EPHA7: variants seen among roughly 807,000 people sequenced by gnomAD.
EPHA7 encodes ephrin type-A receptor 7.
EPHA7 carries 25 observed loss-of-function variants against 112.6 expected under a neutral mutation model. The observed-to-expected ratio is 0.22, with a 90% CI of 0.16 to 0.31. The LOEUF (loss-of-function observed/expected upper bound fraction) is 0.31. EPHA7 is among the 10% of genes least tolerant of loss of function. EPHA7 has a pLI of 1.00. For synonymous variants in EPHA7, 437 were observed against 406.5 expected (o/e 1.07, Z -0.90); for missense variants, 962 against 1,212.6 (o/e 0.79, Z 3.07).
chr6:93,416,856 G>A (rs1160794446), intron 1 of EPHA7, among the ~76,000 whole-genome samples: 1 of 152,040 alleles, frequency 6.6e-6, no homozygotes, highest in Non-Finnish European at 1.5e-5. Flanking sequence ...GGCAAAGGCT[G>A]GCGTCCCGGG....
At chr6:93,262,582 C>T (rs1460532588) in intron 9 of EPHA7, among the ~76,000 whole-genome samples, 1 of 151,390 alleles carries the variant, frequency 6.6e-6, no homozygotes, top group African/African-American at 2.4e-5. Context: ...AATAAAGCCA[C>T]TTCCGGGCAT....
intron 16 of EPHA7, among the ~76,000 whole-genome samples, chr6:93,244,312 G>A (rs1411328070): frequency 1.3e-5 from 2 of 152,062 alleles, no homozygotes; most frequent in East Asian, 3.9e-4. Flanking sequence ...TGCCCACATA[G>A]TGACTGGAAG....
Position 93,272,290 on chromosome 6 carries a change from G to T in EPHA7, c.1449+8C>A, listed in dbSNP as rs376251364. On this transcript the variant is annotated splice_region_variant and intron_variant, in intron 6 of 16. Coordinates refer to ENST00000369303, the MANE Select transcript of EPHA7 (RefSeq NM_004440.4). ...ACATTGTACATTTCAGTTGCTCTTA[G>T]CACTTACTTTCTCGTAATACTTGAT... The T allele has an allele frequency of 1.7e-5, 27 of 1,611,092 alleles. No homozygotes were observed. Among genetic ancestry groups the T allele is most frequent in the Non-Finnish European group, 2.3e-5 (27 of 1,178,048 alleles).
In EPHA7 at chr6:93,410,863, T is replaced by C; in HGVS notation, c.470A>G (p.Gln157Arg). ...CATCTTTCTTTCACCAAGGTCACCT[T>C]GGGTAAAACTTTCATCTGCAGCAAT... is the stretch of plus-strand genomic sequence containing the variant. The part of the protein sequence containing the change: ...DTIAADESFT[Q>R]GDLGERKMKL... The change falls in exon 3 of 17, where the codon CAA (glutamine) becomes CGA (arginine). Residue 157 changes from glutamine (Q) to arginine (R), a missense_variant. Around this residue, in one of 3 missense-constraint regions of EPHA7, gnomAD observed 160 missense variants for 263.6 expected, o/e 0.61. Transcript: ENST00000369303. This position sits in a 1 kb window ranked among gnomAD's most constrained non-coding sequence, Gnocchi z 4.0. 1 of 1,614,032 alleles carries C rather than the reference T, an allele frequency of 6.2e-7. No homozygotes were observed. The highest frequency in any genetic ancestry group is 8.5e-7 in the Non-Finnish European group (1 of 1,179,948).
At chr6:93,349,878 A>G (rs982491065) in intron 5 of EPHA7, among the ~76,000 whole-genome samples, 2 of 151,902 alleles carry the variant, frequency 1.3e-5, no homozygotes, top group Non-Finnish European at 2.9e-5. Context: ...GAGTCACATT[A>G]ATTCATGTGA....
chr6:93,376,391 T>C (rs1262448760), intron 3 of EPHA7, among the ~76,000 whole-genome samples: 1 of 152,104 alleles, frequency 6.6e-6, no homozygotes, highest in Non-Finnish European at 1.5e-5. Flanking sequence ...CCCACCTGTC[T>C]TGGCCTCTCA....
intron 3 of EPHA7, among the ~76,000 whole-genome samples, chr6:93,400,572 C>T (rs1778391557): frequency 6.6e-6 from 1 of 151,994 alleles, no homozygotes; most frequent in Admixed American, 6.6e-5. Flanking sequence ...TAACTGTCAC[C>T]CTGGCTGGGG....
chr6:93,242,647 G>A lies in EPHA7; in HGVS notation c.*779C>T, dbSNP rs1582375738. Reference sequence around the variant, plus strand: ...TCACTCTATAAACAATCTGTTAAAAGTGCCTTATAGTATGTATGGATCATT... The same window carrying A: ...TCACTCTATAAACAATCTGTTAAAAATGCCTTATAGTATGTATGGATCATT... On this transcript the variant is annotated 3_prime_UTR_variant, in exon 17 of 17. Transcript: ENST00000369303. 2 of 219,906 alleles carry A rather than the reference G, an allele frequency of 9.1e-6. No individual in the cohort carries two copies. Among genetic ancestry groups the A allele is most frequent in the East Asian group, 1.3e-4 (2 of 14,816 alleles). The allele number at this position is 219,906 out of a possible 1,614,324, so 13.6% of individuals were successfully genotyped here. A position where few individuals can be genotyped will look rare whatever the true frequency, so the allele number is the denominator to read the frequency against.
At chr6:93,263,999 C>T in intron 8 of EPHA7, 84 bp from the exon 9 acceptor site, 1 of 957,286 alleles carries the variant, frequency 1.0e-6, no homozygotes, top group Non-Finnish European at 1.6e-6. Context: ...AGTTACTCAA[C>T]AACTTACTAG....
At chr6:93,359,805 T>C (rs1168338964) in intron 3 of EPHA7, among the ~76,000 whole-genome samples, 2 of 151,764 alleles carry the variant, frequency 1.3e-5, no homozygotes, top group African/African-American at 4.8e-5. Flanking sequence ...AAAGACTCAA[T>C]TTAAAGGTAT....
intron 3 of EPHA7, among the ~76,000 whole-genome samples, chr6:93,364,607 G>GA (rs907160538): frequency 5.4e-5 from 8 of 148,952 alleles, no homozygotes; most frequent in East Asian, 2.0e-4. Context: ...CAAACATTAA[G>GA]AAAAAATAGT....
At chr6:93,247,010 A>G in intron 14 of EPHA7, 25 bp from the exon 15 acceptor site, 1 of 1,527,818 alleles carries the variant, frequency 6.5e-7, no homozygotes, top group South Asian at 1.2e-5. Flanking sequence ...GACATTACAA[A>G]TATTACTGAT....
chr6:93,253,009 A>T (rs1295365897), intron 14 of EPHA7, among the ~76,000 whole-genome samples: 2 of 152,004 alleles, frequency 1.3e-5, no homozygotes, highest in Non-Finnish European at 2.9e-5. Context: ...CTTCTTAACC[A>T]TTTCCATTAT....
At chr6:93,316,372 A>C (rs913402446) in intron 5 of EPHA7, among the ~76,000 whole-genome samples, 1 of 152,178 alleles carries the variant, frequency 6.6e-6, no homozygotes, top group African/African-American at 2.4e-5. Context: ...ATTAGCTTAT[A>C]ACATCAGAAT....
At chr6:93,350,636 A>C (rs915615924) in intron 5 of EPHA7, among the ~76,000 whole-genome samples, 2 of 152,026 alleles carry the variant, frequency 1.3e-5, no homozygotes, top group African/African-American at 4.8e-5. Context: ...GAGACCTTTG[A>C]AGATAGTTGA....
At chr6:93,362,913 C>T (rs898948266) in intron 3 of EPHA7, among the ~76,000 whole-genome samples, 1 of 152,160 alleles carries the variant, frequency 6.6e-6, no homozygotes, top group African/African-American at 2.4e-5. Context: ...GATCCCCCTT[C>T]CGACAATCTT....
rs761028460 is a variant in EPHA7, at chr6:93,259,397, C to T, written c.1881G>A (p.Glu627=). ...CAATTTTAATACAGGAGGCATCTAGCTCCTTGGCGAATTGATGGACAGCTC... is the reference window on the plus strand; with the variant it reads ...CAATTTTAATACAGGAGGCATCTAGTTCCTTGGCGAATTGATGGACAGCTC... ...PNRAVHQFAK[E]LDASCIKIER... Residue 627 remains glutamate (E), a synonymous_variant, in exon 10 of 17, where the codon GAG becomes GAA. Transcript: ENST00000369303. The T allele has an allele frequency of 1.9e-6, 3 of 1,612,260 alleles. No individual in the cohort carries two copies. The highest frequency in any genetic ancestry group is 2.7e-5 in the African/African-American group (2 of 74,940).
chr6:93,294,000 C>T (rs1214781079), intron 5 of EPHA7, among the ~76,000 whole-genome samples: 1 of 152,184 alleles, frequency 6.6e-6, no homozygotes, highest in Non-Finnish European at 1.5e-5. Flanking sequence ...CTTTCTCCCG[C>T]TATTCATCTA....
At position 93,419,549 on chromosome 6, in the gene EPHA7, G is replaced by A; in HGVS notation, c.-208C>T. The A allele has an allele frequency of 2.0e-6, 1 of 502,906 alleles. No individual in the cohort carries two copies. Among genetic ancestry groups the A allele is most frequent in the Non-Finnish European group, 3.5e-6 (1 of 288,512 alleles). The allele number at this position is 502,906 out of a possible 1,614,324, so 31.2% of individuals were successfully genotyped here. ...CCGTGTTTGCTGCCTGCAAGTCTCC[G>A]ACTGCAGACCGGCCGCTTGCTCCAC... On this transcript the variant is annotated 5_prime_UTR_variant, in exon 1 of 17. Transcript: ENST00000369303.
Sources: gnomAD v4.1 joint callset for allele counts (sites outside exome capture counted in the v4.1 genomes callset) on GRCh38, gnomAD v4.1.1 for gene constraint, gnomAD v4.1.1 regional missense constraint, Gnocchi (gnomAD v3.1) non-coding constraint, MANE v1.5 for transcripts, NCBI Gene and HGNC (gene_info 2026-07-23, HGNC 2026-07-21) for gene names.